ART1: variants seen among roughly 807,000 people sequenced by gnomAD.
The protein encoded by ART1 is GPI-linked NAD(P)(+)--arginine ADP-ribosyltransferase 1.
A neutral mutation model predicts 27.0 loss-of-function variants in ART1; 29 were observed. That is an observed-to-expected ratio of 1.08 (90% confidence interval 0.80 to 1.47). The LOEUF (loss-of-function observed/expected upper bound fraction) is 1.47, where lower values mean the gene tolerates loss of function less well. ART1 is among the 40% of genes most tolerant of loss of function. ART1 has a pLI of 0.00. For missense variants in ART1, 480 were observed against 423.0 expected (o/e 1.13, Z -1.18); for synonymous variants, 201 against 172.2 (o/e 1.17, Z -1.31).
chr11:3,658,068 C>T (rs1373134641), intron 1 of ART1, among the ~76,000 whole-genome samples: 1 of 152,038 alleles, frequency 6.6e-6, no homozygotes, highest in African/African-American at 2.4e-5. Context: ...CATGGTGGCT[C>T]ACACCTGTAA....
chr11:3,652,178 T>G (rs561565770), intron 1 of ART1, among the ~76,000 whole-genome samples: 3 of 149,120 alleles, frequency 2.0e-5, no homozygotes, highest in African/African-American at 7.7e-5. Context: ...CAACATGCCC[T>G]GAGTCAGATA....
intron 1 of ART1, among the ~76,000 whole-genome samples, chr11:3,656,443 C>T (rs979773386): frequency 3.3e-5 from 5 of 151,828 alleles, no homozygotes; most frequent in Admixed American, 6.6e-5. Flanking sequence ...AGTGCAATGG[C>T]GCAATCTTGG....
intron 1 of ART1, among the ~76,000 whole-genome samples, chr11:3,650,265 C>G (rs528508708): frequency 6.6e-6 from 1 of 152,302 alleles, no homozygotes; most frequent in South Asian, 2.1e-4. Context: ...AGGATTCCTC[C>G]TAAGCCGTAT....
chr11:3,651,263 A>G (rs2077519738), intron 1 of ART1, among the ~76,000 whole-genome samples: 1 of 147,990 alleles, frequency 6.8e-6, no homozygotes, highest in Non-Finnish European at 1.5e-5. Context: ...TGACCCTGAC[A>G]CCCATTAGGC....
intron 4 of ART1, 38 bp from the exon 5 acceptor site, chr11:3,664,054 T>C (rs2077642447): frequency 6.2e-7 from 1 of 1,604,092 alleles, no homozygotes; most frequent in Admixed American, 1.7e-5. Flanking sequence ...TTTTTTTCTC[T>C]CTCTCTCCCC....
chr11:3,660,385 G>C (rs2280135), intron 3 of ART1, 22 bp downstream of exon 3: 2 of 1,585,082 alleles, frequency 1.3e-6, no homozygotes, highest in African/African-American at 1.3e-5. Flanking sequence ...AGCGCTGGTC[G>C]GCACCTGTGC....
chr11:3,653,843 C>G (rs1343175758), intron 1 of ART1, among the ~76,000 whole-genome samples: 2 of 95,980 alleles, frequency 2.1e-5, no homozygotes, highest in East Asian at 6.4e-4. Flanking sequence ...CTTGTAAATT[C>G]CACCTCCTAC....
At chr11:3,646,126 C>G (rs375745258) in intron 1 of ART1, among the ~76,000 whole-genome samples, 7 of 151,718 alleles carry the variant, frequency 4.6e-5, no homozygotes, top group African/African-American at 1.7e-4. Context: ...CATTTTTACT[C>G]TATATTTTGA....
chr11:3,657,500 A>C (rs1169773248), intron 1 of ART1, among the ~76,000 whole-genome samples: 1 of 152,170 alleles, frequency 6.6e-6, no homozygotes, highest in Non-Finnish European at 1.5e-5. Context: ...GATTGAGCTC[A>C]GGAGGTCAAG....
chr11:3,645,574 A>G (rs1393520280), intron 1 of ART1, among the ~76,000 whole-genome samples: 1 of 152,126 alleles, frequency 6.6e-6, no homozygotes, highest in East Asian at 1.9e-4. Context: ...CACCAAGGCC[A>G]GCCACCCACC....
chr11:3,659,895 C>A lies in ART1; in HGVS notation c.376C>A (p.Pro126Thr), dbSNP rs996977250. ...VALLAYTANS[P>T]LHKEFNAAVR... ...CCTCCTGGCCTACACAGCCAACAGC[C>A]CCCTGCACAAGGAGTTCAATGCAGC... is the stretch of plus-strand genomic sequence containing the variant. Residue 126 changes from proline to threonine, a missense_variant, in exon 3 of 5, where the codon CCC becomes ACC. Pro to Thr is a conservative substitution (Grantham distance 38). Transcript: ENST00000250693. 6.2e-6 allele frequency: 10 copies of A among 1,612,850 alleles called. No homozygotes were observed. Among genetic ancestry groups the A allele is most frequent in the Non-Finnish European group, 7.6e-6 (9 of 1,179,558 alleles).
intron 1 of ART1, among the ~76,000 whole-genome samples, chr11:3,651,836 G>C (rs28761316): frequency 0.22 from 31,689 of 146,676 alleles, 3,599 homozygotes; most frequent in African/African-American, 0.23. Flanking sequence ...ATGACTGTAT[G>C]TCTCTGATCC....
intron 1 of ART1, among the ~76,000 whole-genome samples, chr11:3,653,490 A>C (rs1336807667): frequency 6.7e-6 from 1 of 150,172 alleles, no homozygotes; most frequent in Non-Finnish European, 1.5e-5. Context: ...ATTTTCCTTT[A>C]TCTACCCAAA....
At chr11:3,655,182 G>C (rs1053972215) in intron 1 of ART1, among the ~76,000 whole-genome samples, 9 of 152,178 alleles carry the variant, frequency 5.9e-5, no homozygotes, top group African/African-American at 1.9e-4. Context: ...TGTTCATTCT[G>C]GGGGTCCAGA....
At chr11:3,663,231 AC>A (rs1480654665) in intron 4 of ART1, among the ~76,000 whole-genome samples, 1 of 152,110 alleles carries the variant, frequency 6.6e-6, no homozygotes, top group Non-Finnish European at 1.5e-5. Flanking sequence ...GTCAAGTGAG[AC>A]CCAGAGACAA....
At chr11:3,662,624 C>T (rs1177146534) in intron 4 of ART1, among the ~76,000 whole-genome samples, 1 of 152,220 alleles carries the variant, frequency 6.6e-6, no homozygotes, top group East Asian at 1.9e-4. Context: ...ATGGGCAGAT[C>T]ACCTGAGGTC....
At chr11:3,657,132 A>G (rs2077581565) in intron 1 of ART1, among the ~76,000 whole-genome samples, 1 of 152,188 alleles carries the variant, frequency 6.6e-6, no homozygotes, top group Non-Finnish European at 1.5e-5. Context: ...GCTTAACCTA[A>G]ATGAGATTGG....
At chr11:3,649,640 G>A (rs1335122801) in intron 1 of ART1, among the ~76,000 whole-genome samples, 3 of 152,108 alleles carry the variant, frequency 2.0e-5, no homozygotes, top group Non-Finnish European at 4.4e-5. Context: ...CCTCCACCCT[G>A]TAATCTTTTT....
At chr11:3,661,254 G>A (rs1324270416) in intron 3 of ART1, 118 bp from the exon 4 acceptor site, 1 of 888,132 alleles carries the variant, frequency 1.1e-6, no homozygotes, top group Non-Finnish European at 1.7e-6. Flanking sequence ...AGCAGAATTA[G>A]GGGGAAATGC....
Sources: allele counts gnomAD v4.1 joint callset (sites outside exome capture counted in the v4.1 genomes callset), GRCh38; gene constraint gnomAD v4.1.1; transcripts MANE v1.5; gene names NCBI Gene and HGNC (gene_info 2026-07-23, HGNC 2026-07-21).